The following CHID1 variants were observed in gnomAD, a reference collection of about 807,000 sequenced individuals.
CHID1 encodes the protein chitinase domain-containing protein 1.
Under a neutral mutation model 55.4 loss-of-function variants are expected in CHID1, and 44 were observed. The observed-to-expected ratio is 0.79, with a 90% confidence interval of 0.62 to 1.02. CHID1 has a LOEUF of 1.02. Ranked by LOEUF, CHID1 falls within the 50% of genes least tolerant of loss-of-function variation. The pLI, the probability that CHID1 is intolerant of heterozygous loss-of-function variation, is 0.00. For missense variants in CHID1, 491 were observed against 515.3 expected (o/e 0.95, Z 0.46); for synonymous variants, 216 against 212.9 (o/e 1.01, Z -0.13).
chr11:869,618 G>A lies in CHID1; in HGVS notation c.*240C>T, dbSNP rs948772370. ...GCCCCGCCTGCCCAGCTGACAGGAG[G>A]CAGCCAGCGGATGCCCGGGTGGGAG... On this transcript the variant is annotated 3_prime_UTR_variant, in exon 13 of 13. Coordinates refer to ENST00000323578, the MANE Select transcript of CHID1 (RefSeq NM_023947.4). The A allele has an allele frequency of 5.2e-6, 3 of 581,846 alleles. No individual in the cohort carries two copies. In the African/African-American group the frequency reaches 5.6e-5, roughly 11 times the overall value. The allele number at this position is 581,846 out of a possible 1,614,324, so 36.0% of individuals were successfully genotyped here.
At position 902,990 on chromosome 11, in the gene CHID1, G is replaced by A. The variant is rs762679519; in HGVS notation, c.233C>T (p.Ala78Val). 1.2e-5 allele frequency: 20 copies of A among 1,613,996 alleles called. No individual in the cohort carries two copies. The highest frequency in any genetic ancestry group is 9.9e-5 in the South Asian group (9 of 91,088). ...AGTGACATAGCCCAGTACATCCCCA[G>A]CAAAGTGTCTGTCCCGGGCCTTTGC... ...CSAKARDRHF[A>V]GDVLGYVTPW... The change falls in exon 3 of 13, where the codon GCT (alanine) becomes GTT (valine). Residue 78 changes from alanine (A) to valine (V), a missense_variant. Ala to Val is a moderately conservative substitution (Grantham distance 64). Transcript: ENST00000323578.
intron 8 of CHID1, among the ~76,000 whole-genome samples, chr11:886,369 G>A (rs1482941354): frequency 6.6e-6 from 1 of 150,782 alleles, no homozygotes; most frequent in African/African-American, 2.4e-5. Flanking sequence ...TGAGGTGGGA[G>A]GATGGCTTGA....
chr11:901,369 C>T (rs918292228), intron 4 of CHID1, among the ~76,000 whole-genome samples: 1 of 152,340 alleles, frequency 6.6e-6, no homozygotes, highest in African/African-American at 2.4e-5. Context: ...GACATTCCAT[C>T]ACCTCCCCAC....
intron 1 of CHID1, among the ~76,000 whole-genome samples, chr11:910,053 T>C (rs1329464255): frequency 1.3e-5 from 2 of 150,810 alleles, no homozygotes; most frequent in Admixed American, 1.3e-4. Flanking sequence ...CGTGAGACTC[T>C]GTCTCAAAAA....
chr11:870,068 T>G, intron 12 of CHID1, 53 bp downstream of exon 12: 1 of 1,610,962 alleles, frequency 6.2e-7, no homozygotes, highest in Non-Finnish European at 8.5e-7. Context: ...GTGCCTGCTG[T>G]GCTGTCGCAT....
intron 8 of CHID1, among the ~76,000 whole-genome samples, chr11:886,489 G>A (rs1316622224): frequency 6.6e-6 from 1 of 152,184 alleles, no homozygotes; most frequent in Non-Finnish European, 1.5e-5. Context: ...GGGTGCTTGT[G>A]TCCCCACAAA....
intron 7 of CHID1, among the ~76,000 whole-genome samples, chr11:897,777 G>A (rs1274881817): frequency 6.6e-6 from 1 of 152,232 alleles, no homozygotes; most frequent in Non-Finnish European, 1.5e-5. Context: ...GGCACACTGA[G>A]GGGTGCTGGC....
chr11:900,952 G>T lies in CHID1; in HGVS notation c.423C>A (p.Ala141=). 1 of 1,603,044 alleles carries T rather than the reference G, an allele frequency of 6.2e-7. No individual in the cohort carries two copies. The highest frequency in any genetic ancestry group is 8.5e-7 in the Non-Finnish European group (1 of 1,175,438). The change falls in exon 5 of 13, where the codon GCC becomes GCA. Residue 141 remains alanine (A), a synonymous_variant. Transcript: ENST00000323578. The stretch of plus-strand genomic sequence containing the variant: ...CGCACTTACCTATGTGCAGGCCCTT[G>T]GCATGCTTCCTGACAGCTCGCATCC... ...QGWMRAVRKH[A]KGLHIVPRLL...
chr11:887,804 CT>C (rs1303243489), intron 8 of CHID1, among the ~76,000 whole-genome samples: 1 of 152,224 alleles, frequency 6.6e-6, no homozygotes, highest in Non-Finnish European at 1.5e-5. Flanking sequence ...TGCAACGCCC[CT>C]GTCCCTCTCG....
At position 902,956 on chromosome 11, in the gene CHID1, A is replaced by T. The variant is rs774434948; in HGVS notation, c.261+6T>A. ...CTCCCTCTGCACTGTGAGGGCCCCAACTTACTGGAGTGACATAGCCCAGTA... is the reference window on the plus strand; with the variant it reads ...CTCCCTCTGCACTGTGAGGGCCCCATCTTACTGGAGTGACATAGCCCAGTA... On this transcript the variant is annotated splice_donor_region_variant and intron_variant, in intron 3 of 12. Coordinates refer to ENST00000323578, the MANE Select transcript of CHID1 (RefSeq NM_023947.4). 6.2e-7 allele frequency: 1 copy of T among 1,612,846 alleles called. No homozygotes were observed. The highest frequency in any genetic ancestry group is 1.1e-5 in the South Asian group (1 of 91,072).
At chr11:885,657 GGA>G (rs1379790933) in intron 8 of CHID1, among the ~76,000 whole-genome samples, 4 of 152,128 alleles carry the variant, frequency 2.6e-5, no homozygotes, top group African/African-American at 9.7e-5. Context: ...GTTGTCCACT[GGA>G]ACCTTCCTGC....
At chr11:909,214 A>G (rs756977872) in intron 1 of CHID1, among the ~76,000 whole-genome samples, 8 of 152,184 alleles carry the variant, frequency 5.3e-5, no homozygotes, top group Non-Finnish European at 8.8e-5. Context: ...GAGGCCCGTG[A>G]GGACACTCTC....
At chr11:876,028 C>T (rs921322647) in intron 10 of CHID1, among the ~76,000 whole-genome samples, 21 of 152,042 alleles carry the variant, frequency 1.4e-4, no homozygotes, top group African/African-American at 4.1e-4. Context: ...CTCTTTAGGG[C>T]GGTCGCAGCT....
intron 7 of CHID1, 21 bp from the exon 8 acceptor site, chr11:893,540 G>A: frequency 6.5e-7 from 1 of 1,531,518 alleles, no homozygotes; most frequent in Non-Finnish European, 8.8e-7. Flanking sequence ...CGAGAGATGG[G>A]GTCAGCAGTG....
intron 8 of CHID1, among the ~76,000 whole-genome samples, chr11:892,046 C>A (rs1850873227): frequency 6.6e-6 from 1 of 151,666 alleles, no homozygotes; most frequent in Non-Finnish European, 1.5e-5. Context: ...GCCTGGGAGG[C>A]AGAGGTTGCA....
At chr11:902,450 C>T in intron 3 of CHID1, 120 bp from the exon 4 acceptor site, 6 of 1,092,650 alleles carry the variant, frequency 5.5e-6, no homozygotes, top group Non-Finnish European at 8.0e-6. Context: ...CAGATACCAG[C>T]CCGGACTGAC....
intron 1 of CHID1, chr11:908,424 C>CTA (rs1463578313): frequency 4.6e-6 from 1 of 218,432 alleles, no homozygotes; most frequent in Non-Finnish European, 7.8e-6. Context: ...CTGCCACCTC[C>CTA]CCTTAGCCCC....
intron 1 of CHID1, among the ~76,000 whole-genome samples, chr11:908,852 C>T (rs913449012): frequency 6.6e-6 from 1 of 152,222 alleles, no homozygotes; most frequent in African/African-American, 2.4e-5. Flanking sequence ...CTCCCTGCCC[C>T]CCAACCTGTG....
At chr11:885,319 T>G (rs545753104) in intron 8 of CHID1, among the ~76,000 whole-genome samples, 84 of 152,324 alleles carry the variant, frequency 5.5e-4, no homozygotes, top group African/African-American at 1.9e-3. Flanking sequence ...TCTCCAGATG[T>G]GCAGTTTTAT....
Sources: gnomAD v4.1 joint callset for allele counts (sites outside exome capture counted in the v4.1 genomes callset) on GRCh38, gnomAD v4.1.1 for gene constraint, MANE v1.5 for transcripts, NCBI Gene and HGNC (gene_info 2026-07-23, HGNC 2026-07-21) for gene names.